The following GCA variants were observed in gnomAD, a reference collection of about 807,000 sequenced individuals.
GCA encodes grancalcin, EF-hand calcium-binding protein.
A neutral mutation model predicts 32.6 loss-of-function variants in GCA; 30 were observed. The ratio of observed to expected loss-of-function variants is 0.92; its 90% CI spans 0.69 to 1.25. The LOEUF is 1.25. Among genes scored for constraint, GCA ranks in the 50% most tolerant of loss-of-function variants. The probability of loss-of-function intolerance (pLI) is 0.00; values close to 1 mark genes in which losing one functional copy is unlikely to be tolerated. For synonymous variants in GCA, 102 were observed against 84.6 expected (o/e 1.21, Z -1.13); for missense variants, 291 against 266.8 (o/e 1.09, Z -0.63).
Position 162,344,243 on chromosome 2 carries a change from C to G in GCA, c.-6C>G, listed in dbSNP as rs757623211. The G allele has an allele frequency of 2.5e-6, 4 of 1,613,746 alleles. No individual in the cohort carries two copies. The highest frequency in any genetic ancestry group is 3.4e-6 in the Non-Finnish European group (4 of 1,179,892). On this transcript the variant is annotated 5_prime_UTR_variant, in exon 1 of 8. Coordinates refer to ENST00000437150, the MANE Select transcript of GCA (RefSeq NM_012198.5). ...GGTGACGCTCGCTCCGCTCGTCCCG[C>G]TCGTCATGGCCTACCCGGGATACGG...
At chr2:162,333,147 T>C (rs1684155054) in intron 1 of GCA, among the ~76,000 whole-genome samples, 1 of 152,046 alleles carries the variant, frequency 6.6e-6, no homozygotes, top group African/African-American at 2.4e-5. Context: ...TTTCATAGAA[T>C]CAAATGCTAA....
At chr2:162,324,019 C>A (rs1018032741) in intron 1 of GCA, among the ~76,000 whole-genome samples, 8 of 152,270 alleles carry the variant, frequency 5.3e-5, no homozygotes, top group African/African-American at 1.4e-4. Context: ...GTGTGGCTCG[C>A]TTCTTCAGTG....
chr2:162,341,126 C>T (rs747623873), upstream of GCA, among the ~76,000 whole-genome samples: 1 of 151,770 alleles, frequency 6.6e-6, no homozygotes, highest in Non-Finnish European at 1.5e-5. Flanking sequence ...ATGTTTTCCA[C>T]ATCTAAAATA....
rs1204493424 is a variant in GCA, at chr2:162,352,404, T to C, written c.259T>C (p.Ser87Pro). The change falls in exon 3 of 8, where the codon TCT becomes CCT. Residue 87 changes from serine to proline, a missense_variant. By Grantham distance (74) the Ser-to-Pro change is moderately conservative. Coordinates refer to ENST00000437150, the MANE Select transcript of GCA (RefSeq NM_012198.5). ...LTQSGINGTYSPFSLETCRIM... is the reference protein window; with the variant it reads ...LTQSGINGTYPPFSLETCRIM... ...ACAGTCTGGAATTAATGGAACTTAC[T>C]CTCGTGAGATCTTTTTTCCCCTTTT... The C allele has an allele frequency of 1.3e-6, 2 of 1,535,484 alleles. No homozygotes were observed. Among genetic ancestry groups the C allele is most frequent in the Non-Finnish European group, 1.8e-6 (2 of 1,111,334 alleles).
At chr2:162,322,405 ATTTATTTAT>A (rs1043910928) in intron 1 of GCA, among the ~76,000 whole-genome samples, 11 of 143,368 alleles carry the variant, frequency 7.7e-5, no homozygotes, top group African/African-American at 2.8e-4. Context: ...TTATTTATTT[ATTTATTTAT>A]TTATTATTAT....
chr2:162,321,419 A>C (rs1370594858), intron 1 of GCA, among the ~76,000 whole-genome samples: 1 of 152,178 alleles, frequency 6.6e-6, no homozygotes, highest in Non-Finnish European at 1.5e-5. Flanking sequence ...TTTAACGACC[A>C]TGCATAGCAA....
chr2:162,320,394 C>T (rs75839498), intron 1 of GCA, among the ~76,000 whole-genome samples: 3,083 of 152,304 alleles, frequency 0.02, 118 homozygotes, highest in African/African-American at 0.071. Context: ...TCCTATCCCC[C>T]AGCTGCCAGT....
At chr2:162,353,441 C>A (rs1462838155) in intron 3 of GCA, among the ~76,000 whole-genome samples, 3 of 152,182 alleles carry the variant, frequency 2.0e-5, no homozygotes, top group East Asian at 3.9e-4. Flanking sequence ...GCACTCCAGC[C>A]TGGTGACAGA....
intron 2 of GCA, among the ~76,000 whole-genome samples, chr2:162,350,597 T>C (rs1684941638): frequency 6.6e-6 from 1 of 152,196 alleles, no homozygotes; most frequent in Non-Finnish European, 1.5e-5. Flanking sequence ...TATAATACAT[T>C]CATCATATAA....
downstream of GCA, among the ~76,000 whole-genome samples, chr2:162,367,587 TTAAAGC>T (rs1685794700): frequency 6.6e-6 from 1 of 151,968 alleles, no homozygotes; most frequent in South Asian, 2.1e-4. Context: ...TAGTATTACT[TTAAAGC>T]TATAAACCTA....
intron 2 of GCA, among the ~76,000 whole-genome samples, chr2:162,352,056 CT>C (rs1685027671): frequency 6.6e-6 from 1 of 152,112 alleles, no homozygotes; most frequent in South Asian, 2.1e-4. Context: ...GTTTTTCTAA[CT>C]GTTTAAAATA....
intron 1 of GCA, among the ~76,000 whole-genome samples, chr2:162,330,849 C>T (rs1684053246): frequency 6.6e-6 from 1 of 152,174 alleles, no homozygotes; most frequent in Non-Finnish European, 1.5e-5. Context: ...AATACTGAGC[C>T]ATTGCTTCTA....
At position 162,323,840 on chromosome 2, in the gene GCA, G is replaced by T. The variant is rs944638371; in HGVS notation, c.-31+4615G>T. On this transcript the variant is annotated intron_variant, in intron 1 of 4. Transcript: ENST00000429691. ...TGTAGTATTGTTTGAAGTCAGGTAGGGTGATGCCTCCAGCTTTGTTCTTTT... is the reference window on the plus strand; with the variant it reads ...TGTAGTATTGTTTGAAGTCAGGTAGTGTGATGCCTCCAGCTTTGTTCTTTT... Among the ~76,000 whole-genome samples the T allele has an allele frequency of 3.3e-4, 50 of 151,852 alleles. No homozygotes were observed. In the South Asian group the frequency reaches 3.5e-3, roughly 11 times the overall value.
At chr2:162,363,225 C>A (rs1479317285), downstream of GCA, among the ~76,000 whole-genome samples, 1 of 151,290 alleles carries the variant, frequency 6.6e-6, no homozygotes, top group Non-Finnish European at 1.5e-5. Flanking sequence ...TTGTTAATAT[C>A]TGGTGAATTA....
chr2:162,322,832 A>G (rs569153106), intron 1 of GCA, among the ~76,000 whole-genome samples: 2 of 151,640 alleles, frequency 1.3e-5, no homozygotes, highest in South Asian at 4.2e-4. Flanking sequence ...GTTGGTTCCA[A>G]GTCTTTGCTA....
chr2:162,359,669 T>G (rs949605935), intron 7 of GCA, 117 bp downstream of exon 7: 1 of 467,800 alleles, frequency 2.1e-6, no homozygotes, highest in East Asian at 3.3e-5. Flanking sequence ...TGCCACATAC[T>G]TTTCCATATT....
chr2:162,373,719 G>T, downstream of GCA: 1 of 1,265,910 alleles, frequency 7.9e-7, no homozygotes, highest in Non-Finnish European at 1.0e-6. Flanking sequence ...AATTTCAGGA[G>T]CATTTAAAAA....
At chr2:162,343,203 A>G (rs1200036474), upstream of GCA, among the ~76,000 whole-genome samples, 6 of 152,230 alleles carry the variant, frequency 3.9e-5, no homozygotes, top group African/African-American at 1.4e-4. Flanking sequence ...AGATAACTCA[A>G]AATAATATCA....
At chr2:162,336,577 C>T (rs76969205) in intron 1 of GCA, among the ~76,000 whole-genome samples, 1 of 152,228 alleles carries the variant, frequency 6.6e-6, no homozygotes, top group Non-Finnish European at 1.5e-5. Flanking sequence ...GCCATAGTGC[C>T]TCTCTTAATG....
Sources: gnomAD v4.1 joint callset for allele counts (sites outside exome capture counted in the v4.1 genomes callset) on GRCh38, gnomAD v4.1.1 for gene constraint, MANE v1.5 for transcripts, NCBI Gene and HGNC (gene_info 2026-07-23, HGNC 2026-07-21) for gene names.